DNAH11: variants seen among roughly 807,000 people sequenced by gnomAD.
The protein encoded by DNAH11 is axonemal beta dynein heavy chain 11.
DNAH11 carries 442 observed loss-of-function variants against 526.0 expected under a neutral mutation model. The observed-to-expected ratio is 0.84, with a 90% CI of 0.78 to 0.91. The LOEUF (loss-of-function observed/expected upper bound fraction) is 0.91. Among genes scored for constraint, DNAH11 ranks in the 40% least tolerant of loss-of-function variants. The pLI is 0.00. For missense variants in DNAH11, 6,989 were observed against 5,448.7 expected, an observed-to-expected ratio of 1.28 and a Z score of -8.90; for synonymous variants, 2,461 against 1,935.9, an observed-to-expected ratio of 1.27 and a Z score of -7.12.
Position 21,559,607 on chromosome 7 carries a change from C to T in DNAH11, c.697C>T (p.Pro233Ser). The T allele has an allele frequency of 6.3e-7, 1 of 1,599,862 alleles. No individual in the cohort carries two copies. Among genetic ancestry groups the T allele is most frequent in the Non-Finnish European group, 8.5e-7 (1 of 1,173,678 alleles). Residue 233 changes from proline to serine, a missense_variant, in exon 4 of 82, where the codon CCG (proline) becomes TCG (serine). Transcript: ENST00000409508. ...TTATTATCTTAATGTTTGTAGGCCA[C>T]CGTCAAACGAAAGGATAATACTTCA... is the stretch of plus-strand genomic sequence containing the variant. ...LDQNCSENKP[P>S]SNERIILHAI...
Position 21,617,616 on chromosome 7 carries a change from T to A in DNAH11, c.4096-3T>A. On this transcript the variant is annotated splice_region_variant and splice_polypyrimidine_tract_variant and intron_variant, in intron 22 of 81. Coordinates refer to ENST00000409508, the MANE Select transcript of DNAH11 (RefSeq NM_001277115.2). ...CTAGGTTTTTTCCTCCACTTTTCTTTAGGAAATTTGGTCACTCAACAAGGA... is the reference window on the plus strand; with the variant it reads ...CTAGGTTTTTTCCTCCACTTTTCTTAAGGAAATTTGGTCACTCAACAAGGA... 1.9e-6 allele frequency: 3 copies of A among 1,613,654 alleles called. No homozygotes were observed. The highest frequency in any genetic ancestry group is 2.5e-6 in the Non-Finnish European group (3 of 1,179,736).
chr7:21,836,639 A>G (rs1293955737), intron 65 of DNAH11, among the ~76,000 whole-genome samples: 1 of 152,108 alleles, frequency 6.6e-6, no homozygotes, highest in Non-Finnish European at 1.5e-5. Flanking sequence ...CTATAAAACT[A>G]CTAGAAGAAA....
At chr7:21,854,589 G>A in intron 68 of DNAH11, 134 bp downstream of exon 68, 2 of 1,024,304 alleles carry the variant, frequency 2.0e-6, no homozygotes, top group East Asian at 2.8e-5. Context: ...TCACTCTGTA[G>A]CCCAGGCTGG....
intron 42 of DNAH11, among the ~76,000 whole-genome samples, chr7:21,717,523 TC>T (rs1653204613): frequency 6.6e-6 from 1 of 152,162 alleles, no homozygotes; most frequent in Non-Finnish European, 1.5e-5. Context: ...CTACTTATAT[TC>T]CATTATGTTT....
chr7:21,701,534 C>T (rs1016821883), intron 36 of DNAH11, among the ~76,000 whole-genome samples: 4 of 152,136 alleles, frequency 2.6e-5, no homozygotes, highest in Non-Finnish European at 4.4e-5. Flanking sequence ...AAGCAATCTG[C>T]CCGCCTCAGC....
chr7:21,668,285 G>C (rs995501868), intron 30 of DNAH11, among the ~76,000 whole-genome samples: 2 of 152,010 alleles, frequency 1.3e-5, no homozygotes, highest in Admixed American at 1.3e-4. Context: ...AATAGAGATA[G>C]TATCTCTCTC....
chr7:21,808,179 T>C (rs893559779), intron 63 of DNAH11, 130 bp downstream of exon 63: 1 of 621,572 alleles, frequency 1.6e-6, no homozygotes, highest in Non-Finnish European at 2.4e-6. Flanking sequence ...CATGGTGAAA[T>C]TGTTTCTCAT....
At chr7:21,805,347 A>T (rs965419966) in intron 62 of DNAH11, among the ~76,000 whole-genome samples, 5 of 151,988 alleles carry the variant, frequency 3.3e-5, no homozygotes, top group Non-Finnish European at 7.4e-5. Flanking sequence ...AAACTTCACC[A>T]TTTTTTGTGG....
At chr7:21,782,486 A>T (rs1787989643) in intron 57 of DNAH11, among the ~76,000 whole-genome samples, 1 of 152,262 alleles carries the variant, frequency 6.6e-6, no homozygotes, top group Non-Finnish European at 1.5e-5. Flanking sequence ...CAACCTGAGA[A>T]TCCTGTTCAT....
Position 21,637,627 on chromosome 7 carries a change from C to T in DNAH11, c.4742C>T (p.Thr1581Ile). Residue 1581 changes from threonine to isoleucine, a missense_variant, in exon 27 of 82, where the codon ACA becomes ATA. By Grantham distance (89) the Thr-to-Ile change is moderately conservative. Coordinates refer to ENST00000409508, the MANE Select transcript of DNAH11 (RefSeq NM_001277115.2). ...TTCATGCAGGAGTTAATGTTCAAGA[C>T]AGCCAAAGTAGAAAATGTGTTAGAA... ...DAEFKELMFK[T>I]AKVENVLEAT... The T allele has an allele frequency of 1.3e-6, 2 of 1,586,850 alleles. No homozygotes were observed. The highest frequency in any genetic ancestry group is 1.8e-5 in the Admixed American group (1 of 56,334).
intron 36 of DNAH11, among the ~76,000 whole-genome samples, chr7:21,702,023 A>T (rs1163788319): frequency 6.6e-6 from 1 of 152,166 alleles, no homozygotes; most frequent in Non-Finnish European, 1.5e-5. Context: ...GACAGTGAAT[A>T]TATGGGAAAT....
chr7:21,615,983 C>T lies in DNAH11; in HGVS notation c.4012-226C>T, dbSNP rs556963502. On this transcript the variant is annotated intron_variant, in intron 21 of 81. Transcript: ENST00000409508. ...GGTATGTGTATGGAATTTATCATCG[C>T]TACTAGAAATTAATATATCATAATG... Among the ~76,000 whole-genome samples the T allele has an allele frequency of 5.9e-5, 9 of 152,232 alleles. No homozygotes were observed. In the South Asian group the frequency reaches 1.9e-3, roughly 32 times the overall value.
chr7:21,669,079 T>C (rs1352264069), intron 30 of DNAH11, among the ~76,000 whole-genome samples: 1 of 152,226 alleles, frequency 6.6e-6, no homozygotes, highest in Non-Finnish European at 1.5e-5. Flanking sequence ...CTAAAGATGT[T>C]GAGCAACTTC....
chr7:21,755,152 A>G (rs780175153), intron 54 of DNAH11, among the ~76,000 whole-genome samples: 11 of 152,194 alleles, frequency 7.2e-5, no homozygotes, highest in African/African-American at 2.4e-5. Flanking sequence ...TGCAGAGACA[A>G]TGAGAACCTG....
chr7:21,709,910 A>G (rs1242906034), intron 40 of DNAH11, among the ~76,000 whole-genome samples: 2 of 152,206 alleles, frequency 1.3e-5, no homozygotes, highest in African/African-American at 4.8e-5. Flanking sequence ...TTTGCTCACA[A>G]TGCTATTAGA....
intron 28 of DNAH11, among the ~76,000 whole-genome samples, chr7:21,655,218 A>G (rs1049121979): frequency 1.3e-5 from 2 of 152,104 alleles, no homozygotes; most frequent in Admixed American, 6.6e-5. Flanking sequence ...TTATAGGTTC[A>G]TTGTCTAACT....
At chr7:21,552,649 C>A (rs201780732) in intron 2 of DNAH11, among the ~76,000 whole-genome samples, 2 of 152,056 alleles carry the variant, frequency 1.3e-5, no homozygotes, top group African/African-American at 4.8e-5. Context: ...TCTCCAGGAC[C>A]TTTTCTAAGA....
In DNAH11 at chr7:21,854,431, C is replaced by G; in HGVS notation, c.11178C>G (p.Asn3726Lys). 3.1e-6 allele frequency: 5 copies of G among 1,613,722 alleles called. No individual in the cohort carries two copies. In the South Asian group the frequency reaches 5.5e-5, roughly 18 times the overall value. Residue 3726 changes from asparagine (N) to lysine (K), a missense_variant, in exon 68 of 82, where the codon AAC (asparagine) becomes AAG (lysine). Coordinates refer to ENST00000409508, the MANE Select transcript of DNAH11 (RefSeq NM_001277115.2). The part of the protein sequence containing the change: ...YFVINDLQKI[N>K]PLYQFSLKAF... ...TTATTAATGACCTCCAAAAAATCAA[C>G]CCCCTCTACCAATTCTCTTTGAAGG...
intron 30 of DNAH11, among the ~76,000 whole-genome samples, chr7:21,678,291 G>T (rs1299172823): frequency 6.7e-6 from 1 of 150,070 alleles, no homozygotes; most frequent in Non-Finnish European, 1.5e-5. Flanking sequence ...TGCATGTGAT[G>T]TCCAGTTTTT....
Sources: gnomAD v4.1 joint callset for allele counts (sites outside exome capture counted in the v4.1 genomes callset) on GRCh38, gnomAD v4.1.1 for gene constraint, MANE v1.5 for transcripts, NCBI Gene and HGNC (gene_info 2026-07-23, HGNC 2026-07-21) for gene names.